NEGR1: variants seen among roughly 807,000 people sequenced by gnomAD.
NEGR1 encodes IgLON family member 4.
A neutral mutation model predicts 40.9 loss-of-function variants in NEGR1; 10 were observed. That is an observed-to-expected ratio of 0.24 (90% CI 0.15 to 0.42). The LOEUF is 0.42. NEGR1 is among the 10% of genes least tolerant of loss of function. The probability of loss-of-function intolerance (pLI) is 1.00; values close to 1 mark genes in which losing one functional copy is unlikely to be tolerated. For missense variants in NEGR1, 352 were observed against 438.9 expected, an observed-to-expected ratio of 0.80 and a Z score of 1.77; for synonymous variants, 185 against 166.8, an observed-to-expected ratio of 1.11 and a Z score of -0.84.
intron 3 of NEGR1, among the ~76,000 whole-genome samples, chr1:71,763,155 C>T (rs1170255522): frequency 6.6e-6 from 1 of 152,062 alleles, no homozygotes; most frequent in Admixed American, 6.5e-5. Flanking sequence ...TGAATGAACT[C>T]ATGATAAAAT....
At chr1:71,824,741 T>G (rs1658557651) in intron 2 of NEGR1, among the ~76,000 whole-genome samples, 1 of 152,070 alleles carries the variant, frequency 6.6e-6, no homozygotes, top group South Asian at 2.1e-4. Flanking sequence ...TAGTTTGGGC[T>G]ATTTTGTACT....
intron 1 of NEGR1, among the ~76,000 whole-genome samples, chr1:72,112,050 T>G (rs1221960828): frequency 6.6e-6 from 1 of 151,472 alleles, no homozygotes; most frequent in African/African-American, 2.4e-5. Context: ...ATTGTTAATA[T>G]GAAGAAGGCC....
chr1:71,537,639 T>C (rs1025410592), intron 6 of NEGR1, among the ~76,000 whole-genome samples: 4 of 151,762 alleles, frequency 2.6e-5, no homozygotes, highest in African/African-American at 9.7e-5. Context: ...CTTGATGCCA[T>C]AGAGGGACAA....
intron 1 of NEGR1, among the ~76,000 whole-genome samples, chr1:72,135,079 G>A (rs1437223413): frequency 6.7e-6 from 1 of 148,674 alleles, no homozygotes; most frequent in East Asian, 2.1e-4. Flanking sequence ...CAGACAGTAT[G>A]TAAGAAATAA....
chr1:71,999,434 T>G (rs77246885), intron 1 of NEGR1, among the ~76,000 whole-genome samples: 14 of 151,188 alleles, frequency 9.3e-5, no homozygotes, highest in African/African-American at 3.4e-4. Context: ...ATACCAGAAG[T>G]TTTAAGAAAG....
intron 1 of NEGR1, among the ~76,000 whole-genome samples, chr1:72,095,589 T>C (rs1569955765): frequency 1.3e-5 from 2 of 152,194 alleles, no homozygotes; most frequent in African/African-American, 4.8e-5. Context: ...TTTCCCACAC[T>C]GCTTACATTT....
chr1:72,037,805 A>T lies in NEGR1; in HGVS notation c.177-102494T>A, dbSNP rs559674194. Among the ~76,000 whole-genome samples, 6 of 152,254 alleles carry T rather than the reference A, an allele frequency of 3.9e-5. No individual in the cohort carries two copies. In the East Asian group the frequency reaches 1.2e-3, roughly 29 times the overall value. On this transcript the variant is annotated intron_variant, in intron 1 of 6. Coordinates refer to ENST00000357731, the MANE Select transcript of NEGR1 (RefSeq NM_173808.3). ...TATGCAACATGTAAAAATGTAATGC[A>T]ACTCTAATAGTAGAAGTACTTCCAG...
intron 4 of NEGR1, among the ~76,000 whole-genome samples, chr1:71,652,201 G>A (rs1246835861): frequency 1.3e-5 from 2 of 152,126 alleles, no homozygotes; most frequent in African/African-American, 4.8e-5. Context: ...AATTGCTTGA[G>A]AAATACTTCT....
intron 5 of NEGR1, among the ~76,000 whole-genome samples, chr1:71,605,836 C>T (rs924534180): frequency 2.0e-5 from 3 of 152,162 alleles, no homozygotes; most frequent in East Asian, 1.9e-4. Context: ...AAAATGACTA[C>T]CTTATCCTAA....
chr1:72,169,205 A>G (rs1651875510), intron 1 of NEGR1, among the ~76,000 whole-genome samples: 1 of 152,184 alleles, frequency 6.6e-6, no homozygotes, highest in Admixed American at 6.6e-5. Context: ...AGGATATTAA[A>G]TGTTGTTGAA....
chr1:72,189,579 T>G (rs1458064234), intron 1 of NEGR1, among the ~76,000 whole-genome samples: 1 of 151,612 alleles, frequency 6.6e-6, no homozygotes, highest in Non-Finnish European at 1.5e-5. Flanking sequence ...TATTCGTATC[T>G]ATATCTTGAG....
Position 71,900,942 on chromosome 1 carries a change from T to C in NEGR1, c.409+34137A>G, listed in dbSNP as rs184421816. On this transcript the variant is annotated intron_variant, in intron 2 of 6. Coordinates refer to ENST00000357731, the MANE Select transcript of NEGR1 (RefSeq NM_173808.3). ...AGAAAATACATCATCACCATCGCCA[T>C]CATCATCATACTAAGCAGTGTTAAA... is the stretch of plus-strand genomic sequence containing the variant. Among the ~76,000 whole-genome samples, 9 of 152,292 alleles carry C rather than the reference T, an allele frequency of 5.9e-5. No homozygotes were observed. In the East Asian group the frequency reaches 1.7e-3, roughly 29 times the overall value.
chr1:71,785,512 C>T (rs960992877), intron 2 of NEGR1, among the ~76,000 whole-genome samples: 1 of 152,004 alleles, frequency 6.6e-6, no homozygotes. Flanking sequence ...TTCCATTGAG[C>T]CAATGATTCC....
chr1:71,870,641 T>G (rs1570451476), intron 2 of NEGR1, among the ~76,000 whole-genome samples: 1 of 152,344 alleles, frequency 6.6e-6, no homozygotes, highest in African/African-American at 2.4e-5. Context: ...ATATTAAAGA[T>G]TAAGTAATAC....
chr1:71,510,594 A>T (rs1647066219), intron 6 of NEGR1, among the ~76,000 whole-genome samples: 1 of 152,216 alleles, frequency 6.6e-6, no homozygotes, highest in African/African-American at 2.4e-5. Flanking sequence ...ATTGAAACTT[A>T]AGCAGAGAAG....
intron 2 of NEGR1, among the ~76,000 whole-genome samples, chr1:71,784,576 T>C (rs1011549757): frequency 2.0e-5 from 3 of 152,152 alleles, no homozygotes; most frequent in Admixed American, 6.6e-5. Flanking sequence ...TGGTTCTAAA[T>C]GGTAGTGATC....
chr1:71,859,558 T>A (rs1434480266), intron 2 of NEGR1, among the ~76,000 whole-genome samples: 1 of 151,998 alleles, frequency 6.6e-6, no homozygotes, highest in Non-Finnish European at 1.5e-5. Flanking sequence ...AAAGCAGCCA[T>A]AGACAATAAA....
chr1:71,688,792 C>T (rs1430722224), intron 4 of NEGR1, among the ~76,000 whole-genome samples: 2 of 152,138 alleles, frequency 1.3e-5, no homozygotes, highest in African/African-American at 4.8e-5. Context: ...CTTTCTGATA[C>T]TATTGATACA....
intron 1 of NEGR1, among the ~76,000 whole-genome samples, chr1:72,078,059 A>G (rs1647827322): frequency 6.6e-6 from 1 of 152,178 alleles, no homozygotes; most frequent in African/African-American, 2.4e-5. Flanking sequence ...TGGAACTAAC[A>G]TTGTCTTGGT....
Sources: allele counts gnomAD v4.1 joint callset (sites outside exome capture counted in the v4.1 genomes callset), GRCh38; gene constraint gnomAD v4.1.1; transcripts MANE v1.5; gene names NCBI Gene and HGNC (gene_info 2026-07-23, HGNC 2026-07-21).